MAJIN: variants seen among roughly 807,000 people sequenced by gnomAD.
MAJIN encodes membrane anchored junction protein.
MAJIN carries 27 observed loss-of-function variants against 30.2 expected under a neutral mutation model. The ratio of observed to expected loss-of-function variants is 0.89; its 90% CI spans 0.66 to 1.23. The LOEUF (loss-of-function observed/expected upper bound fraction) is 1.23, where lower values mean the gene tolerates loss of function less well. Among genes scored for constraint, MAJIN ranks in the 50% most tolerant of loss-of-function variants. MAJIN has a pLI of 0.00. For missense variants in MAJIN, 253 were observed against 260.3 expected, an observed-to-expected ratio of 0.97 and a Z score of 0.19; for synonymous variants, 78 against 91.6, an observed-to-expected ratio of 0.85 and a Z score of 0.85.
intron 4 of MAJIN, 24 bp downstream of exon 4, chr11:64,954,733 G>C: frequency 6.2e-7 from 1 of 1,610,848 alleles, no homozygotes; most frequent in South Asian, 1.1e-5. Flanking sequence ...AACTTTTCCA[G>C]AAGTCGTATG....
intron 1 of MAJIN, among the ~76,000 whole-genome samples, chr11:64,961,464 G>A (rs1427142685): frequency 1.5e-5 from 2 of 129,246 alleles, no homozygotes; most frequent in Non-Finnish European, 3.3e-5. Flanking sequence ...ACTGTGCCCG[G>A]CAATTTTTTT....
At chr11:64,945,145 C>T (rs551556540) in intron 8 of MAJIN, among the ~76,000 whole-genome samples, 4 of 152,216 alleles carry the variant, frequency 2.6e-5, no homozygotes, top group African/African-American at 9.6e-5. Context: ...ATCACGAGGT[C>T]AGGAGATCGA....
intron 8 of MAJIN, among the ~76,000 whole-genome samples, chr11:64,943,200 AAAC>A (rs750862449): frequency 8.5e-5 from 13 of 152,182 alleles, no homozygotes; most frequent in South Asian, 2.1e-4. Flanking sequence ...AGATATAGCA[AAAC>A]AACAACAACA....
chr11:64,962,277 G>A (rs1448737902), intron 1 of MAJIN, among the ~76,000 whole-genome samples: 4 of 152,232 alleles, frequency 2.6e-5, no homozygotes, highest in Non-Finnish European at 4.4e-5. Context: ...GCCTGTTCCT[G>A]TTAATTGCTG....
chr11:64,938,545 T>A lies in MAJIN; in HGVS notation c.*30A>T. ...AAGGCTCAAGAGTGGCTGCTCTTCC[T>A]GAAGAAATATCGAAACGGGAAGAGA... On this transcript the variant is annotated 3_prime_UTR_variant, in exon 11 of 11. Coordinates refer to ENST00000301896, the MANE Select transcript of MAJIN (RefSeq NM_001037225.3). 6.5e-7 allele frequency: 1 copy of A among 1,535,862 alleles called. No individual in the cohort carries two copies. The highest frequency in any genetic ancestry group is 8.7e-7 in the Non-Finnish European group (1 of 1,146,774).
Position 64,965,739 on chromosome 11 carries a change from G to A in MAJIN, c.-64-5604C>T, listed in dbSNP as rs181190569. 5.9e-3 allele frequency among the ~76,000 whole-genome samples: 896 copies of A among 151,962 alleles called. 10 individuals carry two copies. The highest frequency in any genetic ancestry group is 0.02 in the African/African-American group (828 of 41,438). On this transcript the variant is annotated intron_variant, in intron 1 of 10. Coordinates refer to ENST00000301896, the MANE Select transcript of MAJIN (RefSeq NM_001037225.3). ...TGGGAGGCCGAGGCGGGCTGATCAC[G>A]AGGTCAGGAGATCGATACTATCCTG...
At chr11:64,964,639 T>G (rs1204967622) in intron 1 of MAJIN, among the ~76,000 whole-genome samples, 1 of 151,464 alleles carries the variant, frequency 6.6e-6, no homozygotes, top group African/African-American at 2.4e-5. Context: ...CTGTCACCCA[T>G]GCTGCAGTAT....
In MAJIN at chr11:64,950,372, T is replaced by C; in HGVS notation, c.206A>G (p.His69Arg). Residue 69 changes from histidine (H) to arginine (R), a missense_variant, in exon 5 of 11, where the codon CAC becomes CGC. Transcript: ENST00000301896. The part of the protein sequence containing the change: ...LDNLQPFATE[H>R]FIVFPYKSKW... ...AAGGATACAGGGAAATACAATGAAGTGTTCTGTAGCAAAGGGCTGAAGATT... is the reference window on the plus strand; with the variant it reads ...AAGGATACAGGGAAATACAATGAAGCGTTCTGTAGCAAAGGGCTGAAGATT... 7 of 1,589,820 alleles carry C rather than the reference T, an allele frequency of 4.4e-6. No homozygotes were observed. The South Asian group carries it at 5.6e-5, about 13-fold the overall frequency.
At chr11:64,962,205 T>G (rs1945738356) in intron 1 of MAJIN, among the ~76,000 whole-genome samples, 1 of 152,188 alleles carries the variant, frequency 6.6e-6, no homozygotes, top group African/African-American at 2.4e-5. Flanking sequence ...AAGAGGAAAT[T>G]TCATGTGTTG....
rs1945348811 is a variant in MAJIN, at chr11:64,939,890, G to A, written c.547-123C>T. On this transcript the variant is annotated intron_variant, in intron 9 of 10. Transcript: ENST00000301896. ...TCACGCCAAGAGTTCTTTAAAGCCAGATGAATTGTTTGTTCTGACCTTCCC... is the reference window on the plus strand; with the variant it reads ...TCACGCCAAGAGTTCTTTAAAGCCAAATGAATTGTTTGTTCTGACCTTCCC... 7.4e-5 allele frequency: 57 copies of A among 773,140 alleles called. 1 individual carries two copies. In the South Asian group the frequency reaches 1.0e-3, roughly 14 times the overall value. 47.9% of individuals were successfully genotyped at this position (773,140 alleles called of 1,614,324 possible). A position where few individuals can be genotyped will look rare whatever the true frequency, so the allele number is the denominator to read the frequency against.
intron 8 of MAJIN, 112 bp from the exon 9 acceptor site, chr11:64,940,758 T>C: frequency 4.6e-6 from 4 of 877,792 alleles, no homozygotes; most frequent in Non-Finnish European, 7.5e-6. Flanking sequence ...GCCTGGCTTC[T>C]GACTGCCTAG....
intron 8 of MAJIN, among the ~76,000 whole-genome samples, chr11:64,943,904 A>G (rs1644689993): frequency 6.6e-6 from 1 of 152,180 alleles, no homozygotes; most frequent in Admixed American, 6.5e-5. Flanking sequence ...CTTACCCCCT[A>G]AAGGATGGGA....
At chr11:64,965,080 T>G (rs1945785554) in intron 1 of MAJIN, among the ~76,000 whole-genome samples, 1 of 152,214 alleles carries the variant, frequency 6.6e-6, no homozygotes, top group South Asian at 2.1e-4. Context: ...GATAAAGTCT[T>G]TTTTATAAGT....
In MAJIN at chr11:64,938,425, G is replaced by T; in HGVS notation, c.*150C>A. 2 of 1,339,794 alleles carry T rather than the reference G, an allele frequency of 1.5e-6. No homozygotes were observed. The highest frequency in any genetic ancestry group is 2.5e-5 in the South Asian group (2 of 79,714). The allele number at this position is 1,339,794 out of a possible 1,614,324, so 83.0% of individuals were successfully genotyped here. ...TCAGCATGGGGACCTCATTCCCCAC[G>T]ACTGAAGTGTCATAAGAAAAGGATA... On this transcript the variant is annotated 3_prime_UTR_variant, in exon 11 of 11. Coordinates refer to ENST00000301896, the MANE Select transcript of MAJIN (RefSeq NM_001037225.3).
chr11:64,961,774 CTCTTTTTTTTTCTTT>C lies in MAJIN; in HGVS notation c.-64-1654_-64-1640del, dbSNP rs1320451782. Among the ~76,000 whole-genome samples, 4 of 150,296 alleles carry C rather than the reference CTCTTTTTTTTTCTTT, an allele frequency of 2.7e-5. No homozygotes were observed. The East Asian group carries it at 7.8e-4, about 29-fold the overall frequency. ...TACAGGCATGAGCCACTGCGCCTGG[CTCTTTTTTTTTCTTT>C]TCTTTTTTTTTTTTTAAGAGACAGG... On this transcript the variant is annotated intron_variant, in intron 1 of 10. Transcript: ENST00000301896.
At chr11:64,946,649 A>T (rs1484350950) in intron 8 of MAJIN, among the ~76,000 whole-genome samples, 1 of 152,098 alleles carries the variant, frequency 6.6e-6, no homozygotes, top group Non-Finnish European at 1.5e-5. Context: ...GTCCCAGGAA[A>T]AGGGTAGCTG....
At chr11:64,942,830 C>A (rs1264902618) in intron 8 of MAJIN, among the ~76,000 whole-genome samples, 1 of 151,398 alleles carries the variant, frequency 6.6e-6, no homozygotes, top group Non-Finnish European at 1.5e-5. Flanking sequence ...ATGATTCTTA[C>A]AAATTTAATG....
At chr11:64,964,703 C>T (rs1007668159) in intron 1 of MAJIN, among the ~76,000 whole-genome samples, 3 of 151,692 alleles carry the variant, frequency 2.0e-5, no homozygotes, top group Admixed American at 6.6e-5. Flanking sequence ...TCTCATGCCT[C>T]GGCGTCTCGA....
Position 64,947,476 on chromosome 11 carries a change from A to T in MAJIN, c.382-11T>A, listed in dbSNP as rs1344858380. 1 of 1,610,586 alleles carries T rather than the reference A, an allele frequency of 6.2e-7. No homozygotes were observed. Among genetic ancestry groups the T allele is most frequent in the East Asian group, 2.2e-5 (1 of 44,886 alleles). On this transcript the variant is annotated splice_polypyrimidine_tract_variant and intron_variant, in intron 7 of 10. Transcript: ENST00000301896. Reference sequence around the variant, plus strand: ...CTTCTCAACTGGGACCTTCAGGAGGAAGCAGATGCCTGTGACTCCTCCTTT... The same window carrying T: ...CTTCTCAACTGGGACCTTCAGGAGGTAGCAGATGCCTGTGACTCCTCCTTT...
Sources: gnomAD v4.1 joint callset for allele counts (sites outside exome capture counted in the v4.1 genomes callset) on GRCh38, gnomAD v4.1.1 for gene constraint, MANE v1.5 for transcripts, NCBI Gene and HGNC (gene_info 2026-07-23, HGNC 2026-07-21) for gene names.